The following WDR64 variants were observed in gnomAD, a reference collection of about 807,000 sequenced individuals.
The protein encoded by WDR64 is WD repeat-containing protein 64.
Under a neutral mutation model 139.3 loss-of-function variants are expected in WDR64, and 112 were observed. The observed-to-expected ratio is 0.80, with a 90% CI of 0.69 to 0.94. The LOEUF is 0.94. WDR64 is among the 40% of genes least tolerant of loss of function. The pLI is 0.00. For synonymous variants in WDR64, 444 were observed against 437.7 expected (o/e 1.01, Z -0.18); for missense variants, 1,206 against 1,293.1 (o/e 0.93, Z 1.03).
intron 18 of WDR64, 133 bp downstream of exon 18, chr1:241,770,823 T>C (rs1466961145): frequency 3.1e-6 from 2 of 651,880 alleles, no homozygotes; most frequent in Non-Finnish European, 4.6e-6. Flanking sequence ...TGCATGCTTA[T>C]ATGTAAAAAC....
At chr1:241,693,937 G>C (rs1667394303) in intron 8 of WDR64, among the ~76,000 whole-genome samples, 1 of 151,872 alleles carries the variant, frequency 6.6e-6, no homozygotes, top group South Asian at 2.1e-4. Context: ...CTAAAAAATG[G>C]GTGAGTCGAA....
rs373698903 is a variant in WDR64 at position 241,667,361 on chromosome 1, G to A, written c.277-3713G>A. On this transcript the variant is annotated intron_variant, in intron 2 of 27. Coordinates refer to ENST00000437684, the MANE Select transcript of WDR64 (RefSeq NM_001367482.1). ...TTTATAAAATGAGGGTGTGACTGGC[G>A]GAATTCTGAAGGTGCCCGTCTTCCC... Among the ~76,000 whole-genome samples the A allele has an allele frequency of 5.3e-5, 8 of 152,136 alleles. No individual in the cohort carries two copies. In the East Asian group the frequency reaches 5.8e-4, roughly 11 times the overall value.
intron 17 of WDR64, among the ~76,000 whole-genome samples, chr1:241,770,046 G>C (rs577993345): frequency 1.2e-4 from 19 of 152,286 alleles, no homozygotes; most frequent in African/African-American, 4.1e-4. Flanking sequence ...CATAGCTTTG[G>C]AGAGAAATCA....
intron 8 of WDR64, among the ~76,000 whole-genome samples, chr1:241,693,086 G>A (rs1054036839): frequency 6.6e-6 from 1 of 152,096 alleles, no homozygotes; most frequent in Non-Finnish European, 1.5e-5. Flanking sequence ...AGTTGAAAAC[G>A]TATATTCACA....
chr1:241,703,167 G>A lies in WDR64; in HGVS notation c.975-8635G>A, dbSNP rs192613881. Among the ~76,000 whole-genome samples the A allele has an allele frequency of 1.2e-4, 19 of 152,168 alleles. No individual in the cohort carries two copies. The highest frequency in any genetic ancestry group is 1.0e-3 in the South Asian group (5 of 4,808). On this transcript the variant is annotated intron_variant, in intron 8 of 27. Transcript: ENST00000437684. This position sits in a 1 kb window ranked among gnomAD's most constrained non-coding sequence, Gnocchi z 5.9. ...CTCATTCCCCACCAACTACCTCACC[G>A]TCACCGGGAGAAAATATCGAGGGAC...
intron 10 of WDR64, among the ~76,000 whole-genome samples, chr1:241,734,638 T>C (rs1004360818): frequency 1.3e-5 from 2 of 151,920 alleles, no homozygotes; most frequent in African/African-American, 4.8e-5. Context: ...ACAGAATACA[T>C]AAGACATTGG....
At chr1:241,771,626 A>G in intron 18 of WDR64, 35 bp from the exon 19 acceptor site, 1 of 1,456,118 alleles carries the variant, frequency 6.9e-7, no homozygotes, top group Non-Finnish European at 9.1e-7. Context: ...TTACAATGTC[A>G]TGGAAGTCTT....
In WDR64 at chr1:241,757,526, A is replaced by G. The variant is rs112334002; in HGVS notation, c.1947+67A>G. 2.8e-3 allele frequency: 3,894 copies of G among 1,415,238 alleles called. 68 individuals carry two copies. In the African/African-American group the frequency reaches 0.047, roughly 17 times the overall value. The allele number at this position is 1,415,238 out of a possible 1,614,324, so 87.7% of individuals were successfully genotyped here. On this transcript the variant is annotated intron_variant, in intron 15 of 27. Coordinates refer to ENST00000437684, the MANE Select transcript of WDR64 (RefSeq NM_001367482.1). ...GTTATGGAAATTTACAAACATATAT[A>G]AAGGTACAGAAAATAATACAAAGAG...
In WDR64 at chr1:241,795,219, C is replaced by T. The variant is rs1334367822; in HGVS notation, c.3010C>T (p.Pro1004Ser). 2.3e-5 allele frequency: 37 copies of T among 1,613,700 alleles called. No individual in the cohort carries two copies. The highest frequency in any genetic ancestry group is 3.0e-5 in the Non-Finnish European group (35 of 1,179,894). ...CTTTGTTTTGCAGATTCGAAGATAT[C>T]CCTTGGAAGGTTTCGTGACTGAAAA... ...SLSSPKIRRY[P>S]LEGFVTENRE... is the part of the protein sequence containing the mutation. Residue 1004 changes from proline to serine, a missense_variant, in exon 26 of 28, where the codon CCC becomes TCC. Physicochemically the swap from Pro to Ser is moderately conservative, Grantham distance 74. Transcript: ENST00000437684.
At chr1:241,711,722 C>A in intron 8 of WDR64, 80 bp from the exon 9 acceptor site, 1 of 1,432,878 alleles carries the variant, frequency 7.0e-7, no homozygotes, top group Non-Finnish European at 9.7e-7. Context: ...ATGAGCCTAT[C>A]AAACATAATC....
chr1:241,772,141 C>T (rs1186397969), intron 19 of WDR64, among the ~76,000 whole-genome samples: 2 of 149,026 alleles, frequency 1.3e-5, no homozygotes, highest in Admixed American at 1.3e-4. Flanking sequence ...TTTTCTAAAA[C>T]TTATACTGCA....
chr1:241,653,349 G>A (rs1665437659), intron 1 of WDR64, among the ~76,000 whole-genome samples: 1 of 152,186 alleles, frequency 6.6e-6, no homozygotes, highest in Admixed American at 6.5e-5. Flanking sequence ...CTCTGAGTGT[G>A]CCAGGCTGCA....
chr1:241,794,502 CTGTTTTT>C (rs1659300039), intron 25 of WDR64, among the ~76,000 whole-genome samples: 1 of 105,024 alleles, frequency 9.5e-6, no homozygotes, highest in Non-Finnish European at 1.8e-5. Flanking sequence ...TTAAGCTTTA[CTGTTTTT>C]TTTTTTTTTT....
At chr1:241,797,870 T>A (rs1469497048) in intron 27 of WDR64, among the ~76,000 whole-genome samples, 1 of 152,202 alleles carries the variant, frequency 6.6e-6, no homozygotes, top group Non-Finnish European at 1.5e-5. Context: ...TTAGGTTTTA[T>A]AATTCATGCA....
chr1:241,713,998 C>G (rs1399807500), intron 9 of WDR64, among the ~76,000 whole-genome samples: 1 of 152,152 alleles, frequency 6.6e-6, no homozygotes, highest in African/African-American at 2.4e-5. Context: ...CAAAAGAAAG[C>G]TCAATTGTGA....
rs746781290 is a variant in WDR64 at position 241,795,276 on chromosome 1, C to A, written c.3067C>A (p.Pro1023Thr). Residue 1023 changes from proline (P) to threonine (T), a missense_variant, in exon 26 of 28, where the codon CCT becomes ACT. By Grantham distance (38) the Pro-to-Thr change is conservative. Transcript: ENST00000437684. ...REAGIVFGSL[P>T]IYSISSPTSL... ...GGCAGGGATTGTTTTCGGCTCTCTG[C>A]CTATATACAGTGTGAGTTGGAGTTT... 6.2e-7 allele frequency: 1 copy of A among 1,612,882 alleles called. No individual in the cohort carries two copies. The highest frequency in any genetic ancestry group is 8.5e-7 in the Non-Finnish European group (1 of 1,179,416).
chr1:241,786,110 A>C (rs1659027902), intron 23 of WDR64, among the ~76,000 whole-genome samples: 1 of 152,248 alleles, frequency 6.6e-6, no homozygotes, highest in Admixed American at 6.5e-5. Flanking sequence ...CCAGGCCATG[A>C]CATTTTTATA....
intron 9 of WDR64, among the ~76,000 whole-genome samples, chr1:241,718,588 A>C (rs931829271): frequency 6.6e-6 from 1 of 152,116 alleles, no homozygotes; most frequent in African/African-American, 2.4e-5. Context: ...GGCAGCATGA[A>C]AGTTTGAAAT....
intron 8 of WDR64, among the ~76,000 whole-genome samples, chr1:241,705,118 T>A (rs1444191600): frequency 6.6e-6 from 1 of 152,182 alleles, no homozygotes; most frequent in Non-Finnish European, 1.5e-5. Flanking sequence ...GAAACGCATC[T>A]AGCTCCCCAG....
Sources: gnomAD v4.1 joint callset for allele counts (sites outside exome capture counted in the v4.1 genomes callset) on GRCh38, gnomAD v4.1.1 for gene constraint, Gnocchi (gnomAD v3.1) non-coding constraint, MANE v1.5 for transcripts, NCBI Gene and HGNC (gene_info 2026-07-23, HGNC 2026-07-21) for gene names.